GPC6: variants seen among roughly 807,000 people sequenced by gnomAD.
The protein encoded by GPC6 is glypican-6.
In GPC6, 14 loss-of-function variants were observed where a neutral mutation model predicts 55.2. The observed-to-expected ratio is 0.25, with a 90% CI of 0.17 to 0.40. The LOEUF (loss-of-function observed/expected upper bound fraction) is 0.40, where lower values mean the gene tolerates loss of function less well. Ranked by LOEUF, GPC6 falls within the 10% of genes least tolerant of loss-of-function variation. GPC6 has a pLI of 1.00. For synonymous variants in GPC6, 278 were observed against 259.6 expected (o/e 1.07, Z -0.68); for missense variants, 641 against 708.5 (o/e 0.90, Z 1.08).
At chr13:94,202,101 T>G (rs1172548255) in intron 4 of GPC6, among the ~76,000 whole-genome samples, 6 of 152,214 alleles carry the variant, frequency 3.9e-5, no homozygotes, top group Admixed American at 6.5e-5. Flanking sequence ...TCAAATGAAT[T>G]AATGTCCTAT....
At chr13:94,071,209 T>A (rs1269168735) in intron 4 of GPC6, among the ~76,000 whole-genome samples, 1 of 152,190 alleles carries the variant, frequency 6.6e-6, no homozygotes, top group Non-Finnish European at 1.5e-5. Context: ...CTAAGCATAT[T>A]TGGTTAACTC....
At chr13:93,880,274 A>G (rs1194152598) in intron 3 of GPC6, among the ~76,000 whole-genome samples, 1 of 151,942 alleles carries the variant, frequency 6.6e-6, no homozygotes, top group African/African-American at 2.4e-5. Context: ...ACGTATGTTT[A>G]TTGCGGCATT....
At chr13:93,554,846 A>G (rs1243982934) in intron 2 of GPC6, among the ~76,000 whole-genome samples, 1 of 152,204 alleles carries the variant, frequency 6.6e-6, no homozygotes, top group Non-Finnish European at 1.5e-5. Flanking sequence ...TAAATTTTTA[A>G]AAATCACTCA....
In GPC6 at chr13:94,407,008, G is replaced by A. The variant is rs1881395403; in HGVS notation, c.*3791G>A. Reference sequence around the variant, plus strand: ...ATTTGTAATGTGTTCCTCCTTGTTGGAGACATTAGCCAGTGTTTAGTTTTA... The same window carrying A: ...ATTTGTAATGTGTTCCTCCTTGTTGAAGACATTAGCCAGTGTTTAGTTTTA... On this transcript the variant is annotated 3_prime_UTR_variant, in exon 9 of 9. Transcript: ENST00000377047. 1 of 152,058 alleles carries A rather than the reference G, an allele frequency of 6.6e-6. No homozygotes were observed. Among genetic ancestry groups the A allele is most frequent in the African/African-American group, 2.4e-5 (1 of 41,420 alleles). The allele number at this position is 152,058 out of a possible 1,614,324, so 9.4% of individuals were successfully genotyped here. A position where few individuals can be genotyped will look rare whatever the true frequency, so the allele number is the denominator to read the frequency against.
intron 3 of GPC6, among the ~76,000 whole-genome samples, chr13:93,939,425 A>AATAATAATAATAATG (rs1555343164): frequency 1.8e-4 from 27 of 149,682 alleles, no homozygotes; most frequent in South Asian, 4.2e-4. Context: ...CTCAAATAAT[A>AATAATAATAATAATG]ATAATAATAA....
intron 1 of GPC6, among the ~76,000 whole-genome samples, chr13:93,494,441 G>A (rs1254813586): frequency 1.3e-5 from 2 of 151,904 alleles, no homozygotes; most frequent in East Asian, 3.9e-4. Context: ...TGGGTTTCCT[G>A]AATACAGCAC....
At chr13:93,962,737 A>T (rs1879843307) in intron 3 of GPC6, among the ~76,000 whole-genome samples, 1 of 152,162 alleles carries the variant, frequency 6.6e-6, no homozygotes, top group South Asian at 2.1e-4. Flanking sequence ...GAAATACTAT[A>T]AAGTGGCTTC....
rs560620735 is a variant in GPC6 at position 93,231,079 on chromosome 13, A to G, written c.160+3463A>G. 2.1e-4 allele frequency among the ~76,000 whole-genome samples: 32 copies of G among 151,878 alleles called. No individual in the cohort carries two copies. In the East Asian group the frequency reaches 2.1e-3, roughly 10 times the overall value. On this transcript the variant is annotated intron_variant, in intron 1 of 8. Transcript: ENST00000377047. ...AATATCACCTTACTGAATTCTTCCA[A>G]TAACTTAGTAGATACTACACATTAA... is the stretch of plus-strand genomic sequence containing the variant.
At chr13:93,759,641 T>C (rs1252241427) in intron 2 of GPC6, among the ~76,000 whole-genome samples, 2 of 152,260 alleles carry the variant, frequency 1.3e-5, no homozygotes, top group Non-Finnish European at 2.9e-5. Flanking sequence ...AAGAAGAAAA[T>C]CCTGATTTGA....
At chr13:93,323,706 G>T (rs1566299061) in intron 1 of GPC6, among the ~76,000 whole-genome samples, 1 of 152,158 alleles carries the variant, frequency 6.6e-6, no homozygotes, top group Admixed American at 6.5e-5. Flanking sequence ...TGCACCCAAG[G>T]ACTTAGAGTT....
intron 1 of GPC6, among the ~76,000 whole-genome samples, chr13:93,290,076 CTAAA>C (rs1878267700): frequency 6.6e-6 from 1 of 152,054 alleles, no homozygotes; most frequent in Non-Finnish European, 1.5e-5. Context: ...GGTCTGGGCT[CTAAA>C]TGAAGCAAGG....
At chr13:93,275,265 T>C (rs914221440) in intron 1 of GPC6, among the ~76,000 whole-genome samples, 6 of 152,204 alleles carry the variant, frequency 3.9e-5, no homozygotes, top group Non-Finnish European at 2.9e-5. Flanking sequence ...CTTAATTGGG[T>C]ACATGAAATG....
In GPC6 at chr13:93,245,560, G is replaced by A. The variant is rs545232625; in HGVS notation, c.160+17944G>A. ...TTCTGGCCTGGAGTCTGTAATTTGC[G>A]TTTCTAACAAGTTCTCAGGTGATGC... On this transcript the variant is annotated intron_variant, in intron 1 of 8. Coordinates refer to ENST00000377047, the MANE Select transcript of GPC6 (RefSeq NM_005708.5). Among the ~76,000 whole-genome samples the A allele has an allele frequency of 1.5e-4, 23 of 152,260 alleles. 1 individual carries two copies. The highest frequency in any genetic ancestry group is 1.1e-3 in the Admixed American group (17 of 15,302).
At chr13:93,658,273 A>C (rs929670367) in intron 2 of GPC6, among the ~76,000 whole-genome samples, 1 of 151,966 alleles carries the variant, frequency 6.6e-6, no homozygotes, top group Non-Finnish European at 1.5e-5. Flanking sequence ...GTTTTTGCCT[A>C]TTCATATAAC....
intron 1 of GPC6, among the ~76,000 whole-genome samples, chr13:93,286,412 A>G (rs796481386): frequency 6.6e-6 from 1 of 152,224 alleles, no homozygotes; most frequent in South Asian, 2.1e-4. Flanking sequence ...TAGTGAGCTC[A>G]GAGAAGCAGT....
At chr13:93,584,107 T>C (rs1018362848) in intron 2 of GPC6, among the ~76,000 whole-genome samples, 3 of 152,180 alleles carry the variant, frequency 2.0e-5, no homozygotes, top group African/African-American at 2.4e-5. Flanking sequence ...ATAATGAATA[T>C]TGGTGGACCA....
chr13:93,828,805 T>G (rs1343220188), intron 2 of GPC6, among the ~76,000 whole-genome samples: 1 of 152,084 alleles, frequency 6.6e-6, no homozygotes, highest in Non-Finnish European at 1.5e-5. Flanking sequence ...TATAAAACAT[T>G]TATCATTATT....
intron 4 of GPC6, among the ~76,000 whole-genome samples, chr13:94,148,039 T>A (rs1887620740): frequency 6.6e-6 from 1 of 152,168 alleles, no homozygotes; most frequent in Admixed American, 6.6e-5. Flanking sequence ...CAGCAAATAA[T>A]TAATGGTGTG....
intron 3 of GPC6, among the ~76,000 whole-genome samples, chr13:93,928,096 G>A (rs188837730): frequency 2.1e-3 from 317 of 152,226 alleles, no homozygotes; most frequent in African/African-American, 7.4e-3. Flanking sequence ...CAAGTTCCCT[G>A]TGGAATCAGC....
Sources: gnomAD v4.1 joint callset for allele counts (sites outside exome capture counted in the v4.1 genomes callset) on GRCh38, gnomAD v4.1.1 for gene constraint, MANE v1.5 for transcripts, NCBI Gene and HGNC (gene_info 2026-07-23, HGNC 2026-07-21) for gene names.